OLFM3: variants seen among roughly 807,000 people sequenced by gnomAD.
OLFM3 encodes the protein olfactomedin 3, also known as noelin-3.
OLFM3 carries 20 observed loss-of-function variants against 48.6 expected under a neutral mutation model. The observed-to-expected ratio is 0.41, with a 90% CI of 0.29 to 0.60. The LOEUF (loss-of-function observed/expected upper bound fraction) is 0.60. Among genes scored for constraint, OLFM3 ranks in the 20% least tolerant of loss-of-function variants. The pLI, the probability that OLFM3 is intolerant of heterozygous loss-of-function variation, is 0.28. For synonymous variants in OLFM3, 222 were observed against 198.1 expected (o/e 1.12, Z -1.01); for missense variants, 437 against 544.3 (o/e 0.80, Z 1.96).
intron 1 of OLFM3, among the ~76,000 whole-genome samples, chr1:101,838,653 G>A (rs1331061956): frequency 6.6e-6 from 1 of 151,990 alleles, no homozygotes; most frequent in Admixed American, 6.6e-5. Flanking sequence ...ACAGATAGAA[G>A]CTATTTTAGT....
rs1487495798 is a variant in OLFM3, at chr1:101,996,872, T to C, written c.-56A>G. 6.4e-6 allele frequency: 10 copies of C among 1,562,152 alleles called. No homozygotes were observed. Among genetic ancestry groups the C allele is most frequent in the Middle Eastern group, 1.7e-4 (1 of 5,978 alleles). Reference sequence around the variant, plus strand: ...TCTTTTATGTAGGCTCTCCACTCACTGCAGAGACCTTTCCCTCGTCAGTTG... The same window carrying C: ...TCTTTTATGTAGGCTCTCCACTCACCGCAGAGACCTTTCCCTCGTCAGTTG... On this transcript the variant is annotated 5_prime_UTR_variant, in exon 1 of 6. Transcript: ENST00000370103.
intron 4 of OLFM3, among the ~76,000 whole-genome samples, chr1:101,813,443 A>G (rs1654168551): frequency 6.6e-6 from 1 of 152,190 alleles, no homozygotes; most frequent in Non-Finnish European, 1.5e-5. Context: ...TTTATAAAAA[A>G]TGAATATGTG....
At chr1:101,983,373 C>T (rs968080638) in intron 1 of OLFM3, among the ~76,000 whole-genome samples, 1 of 152,216 alleles carries the variant, frequency 6.6e-6, no homozygotes, top group South Asian at 2.1e-4. Context: ...ATAGGTCCCC[C>T]ACTCTCAACC....
chr1:101,927,077 T>C (rs1483953664), intron 1 of OLFM3, among the ~76,000 whole-genome samples: 4 of 152,158 alleles, frequency 2.6e-5, no homozygotes, highest in Non-Finnish European at 2.9e-5. Flanking sequence ...TATTTAGCCT[T>C]ATTTCTAAGG....
intron 1 of OLFM3, among the ~76,000 whole-genome samples, chr1:101,906,284 TAA>T (rs1423334185): frequency 6.6e-6 from 1 of 152,100 alleles, no homozygotes; most frequent in African/African-American, 2.4e-5. Flanking sequence ...GACACAGACC[TAA>T]GTTTAATTTT....
At chr1:101,921,478 G>A (rs1659092805) in intron 1 of OLFM3, among the ~76,000 whole-genome samples, 1 of 152,188 alleles carries the variant, frequency 6.6e-6, no homozygotes, top group Non-Finnish European at 1.5e-5. Flanking sequence ...GGGAGGTATA[G>A]TTAAAGCTGG....
intron 1 of OLFM3, among the ~76,000 whole-genome samples, chr1:101,867,668 T>C (rs1004341445): frequency 1.3e-5 from 2 of 152,234 alleles, no homozygotes; most frequent in African/African-American, 4.8e-5. Flanking sequence ...CTGCCTCTAC[T>C]ACCCAACAAC....
At chr1:101,919,170 T>C (rs1262027796) in intron 1 of OLFM3, among the ~76,000 whole-genome samples, 4 of 152,166 alleles carry the variant, frequency 2.6e-5, no homozygotes, top group Non-Finnish European at 4.4e-5. Context: ...TGTAAAACAA[T>C]GAAATACTAG....
At chr1:101,844,708 A>T (rs1329568381) in intron 1 of OLFM3, among the ~76,000 whole-genome samples, 1 of 152,148 alleles carries the variant, frequency 6.6e-6, no homozygotes, top group African/African-American at 2.4e-5. Flanking sequence ...AGGCCCAGTA[A>T]ATGCCTCTCC....
chr1:101,952,578 CAT>C (rs1240209511), intron 1 of OLFM3, among the ~76,000 whole-genome samples: 1 of 151,782 alleles, frequency 6.6e-6, no homozygotes, highest in Admixed American at 6.6e-5. Context: ...ATATGTATTG[CAT>C]ATGTTTATAA....
chr1:101,839,826 T>C (rs2100929722), intron 1 of OLFM3, among the ~76,000 whole-genome samples: 1 of 152,358 alleles, frequency 6.6e-6, no homozygotes, highest in African/African-American at 2.4e-5. Flanking sequence ...GACTTGTTTG[T>C]ACTTCCAATT....
intron 1 of OLFM3, among the ~76,000 whole-genome samples, chr1:101,888,288 G>A (rs1280344885): frequency 6.6e-6 from 1 of 152,084 alleles, no homozygotes; most frequent in Non-Finnish European, 1.5e-5. Flanking sequence ...CATGGTACTG[G>A]TACCAAAAGA....
At chr1:101,976,220 G>A (rs1354145264) in intron 1 of OLFM3, among the ~76,000 whole-genome samples, 3 of 151,958 alleles carry the variant, frequency 2.0e-5, no homozygotes, top group African/African-American at 4.8e-5. Context: ...ACTGAGCTTC[G>A]CTCTGTCTGA....
chr1:101,915,182 C>T (rs1301569504), intron 1 of OLFM3, among the ~76,000 whole-genome samples: 3 of 152,146 alleles, frequency 2.0e-5, no homozygotes, highest in East Asian at 1.9e-4. Context: ...CAAGATATTA[C>T]GCTAATATCA....
chr1:101,974,699 T>C (rs146969376), intron 1 of OLFM3, among the ~76,000 whole-genome samples: 1 of 152,270 alleles, frequency 6.6e-6, no homozygotes, highest in African/African-American at 2.4e-5. Context: ...AACCAACTGA[T>C]GCCTGTGCTC....
At chr1:101,911,034 G>A (rs1189415647) in intron 1 of OLFM3, among the ~76,000 whole-genome samples, 1 of 152,108 alleles carries the variant, frequency 6.6e-6, no homozygotes, top group African/African-American at 2.4e-5. Context: ...CGGCACAATG[G>A]CATAGTGACT....
intron 1 of OLFM3, among the ~76,000 whole-genome samples, chr1:101,861,869 A>G (rs886677043): frequency 6.6e-6 from 1 of 152,242 alleles, no homozygotes; most frequent in African/African-American, 2.4e-5. Context: ...CACCAAAGGC[A>G]TACTTATAGT....
chr1:101,807,946 G>A (rs971568364), intron 4 of OLFM3, among the ~76,000 whole-genome samples: 3 of 151,776 alleles, frequency 2.0e-5, no homozygotes, highest in South Asian at 2.1e-4. Flanking sequence ...ACTAGAAAAT[G>A]TTAATCATAT....
At chr1:101,816,960 A>C (rs1371469128) in intron 4 of OLFM3, among the ~76,000 whole-genome samples, 2 of 152,200 alleles carry the variant, frequency 1.3e-5, no homozygotes, top group Non-Finnish European at 2.9e-5. Context: ...GAAATTAACA[A>C]AATTAAAGTT....
Sources: gnomAD v4.1 joint callset for allele counts (sites outside exome capture counted in the v4.1 genomes callset) on GRCh38, gnomAD v4.1.1 for gene constraint, MANE v1.5 for transcripts, NCBI Gene and HGNC (gene_info 2026-07-23, HGNC 2026-07-21) for gene names.